Variants in RSPH10B2 observed in about 807,000 individuals in gnomAD.
RSPH10B2 encodes the protein radial spoke head 10 homolog B2, also known as radial spoke head 10 homolog B2 (Chlamydomonas).
In RSPH10B2, 9 loss-of-function variants were observed where a neutral mutation model predicts 49.0. The observed-to-expected ratio is 0.18, with a 90% CI of 0.11 to 0.32. The LOEUF (loss-of-function observed/expected upper bound fraction) is 0.32. Ranked by LOEUF, RSPH10B2 falls within the 10% of genes least tolerant of loss-of-function variation. The pLI, the probability that RSPH10B2 is intolerant of heterozygous loss-of-function variation, is 1.00. For synonymous variants in RSPH10B2, 35 were observed against 210.2 expected (o/e 0.17, Z 7.21); for missense variants, 95 against 589.9 (o/e 0.16, Z 8.69).
intron 18 of RSPH10B2, 36 bp downstream of exon 20, chr7:6,796,802 G>A: frequency 1.7e-6 from 2 of 1,189,340 alleles, no homozygotes; most frequent in Middle Eastern, 2.4e-4. Context: ...TTCCCCAGCT[G>A]CTCGCTCTCT....
At position 6,758,848 on chromosome 7, in the gene RSPH10B2, C is replaced by CA. The variant is rs981432063; in HGVS notation, c.255-228dup. 6.7e-5 allele frequency among the ~76,000 whole-genome samples: 9 copies of CA among 133,722 alleles called. 1 individual carries two copies. The highest frequency in any genetic ancestry group is 4.2e-4 in the East Asian group (2 of 4,778). The allele number at this position is 133,722 out of a possible 152,430, so 87.7% of individuals were successfully genotyped here. Reference sequence around the variant, plus strand: ...CGGGCGACAGAGTGAGACTCCATCTCAAAAAAAATCCCCAAAAAACAAACA... The same window carrying CA: ...CGGGCGACAGAGTGAGACTCCATCTCAAAAAAAAATCCCCAAAAAACAAACA... On this transcript the variant is annotated intron_variant, in intron 1 of 18. Coordinates refer to ENST00000297186, the Ensembl canonical transcript of RSPH10B2.
chr7:6,768,257 G>A (rs1781526712), intron 6 of RSPH10B2, among the ~76,000 whole-genome samples: 2 of 152,302 alleles, frequency 1.3e-5, no homozygotes, highest in Admixed American at 1.3e-4. Flanking sequence ...ATCAAGCCAG[G>A]CACTTTATGT....
intron 9 of RSPH10B2, among the ~76,000 whole-genome samples, chr7:6,774,460 G>C (rs1194162025): frequency 1.1e-5 from 1 of 90,294 alleles, no homozygotes; most frequent in Non-Finnish European, 2.1e-5. Context: ...TTACAGGCAT[G>C]AGCCACTGCA....
chr7:6,763,718 G>A (rs1439785421), intron 3 of RSPH10B2, among the ~76,000 whole-genome samples: 5 of 146,052 alleles, frequency 3.4e-5, no homozygotes, highest in South Asian at 2.3e-4. Context: ...CTGAGCTTCC[G>A]CCCACTGGTC....
chr7:6,781,643 G>A lies in RSPH10B2; in HGVS notation c.1758+167G>A. ...GAGTCTCTTGGCAGAACAGTGGTCT[G>A]TGGTCGTGGAAGGAACAGAAACAGC... On this transcript the variant is annotated intron_variant, in intron 13 of 18. Coordinates refer to ENST00000297186, the Ensembl canonical transcript of RSPH10B2. 3 of 834,630 alleles carry A rather than the reference G, an allele frequency of 3.6e-6. 1 individual carries two copies. The highest frequency in any genetic ancestry group is 3.9e-5 in the East Asian group (1 of 25,400). The allele number at this position is 834,630 out of a possible 1,614,324, so 51.7% of individuals were successfully genotyped here. A position where few individuals can be genotyped will look rare whatever the true frequency, so the allele number is the denominator to read the frequency against.
At chr7:6,795,963 A>C (rs1364864884) in intron 17 of RSPH10B2, among the ~76,000 whole-genome samples, 10 of 146,330 alleles carry the variant, frequency 6.8e-5, no homozygotes, top group Admixed American at 6.8e-4. Flanking sequence ...AAGAGAAACG[A>C]GTTTTTTTAT....
intron 15 of RSPH10B2, among the ~76,000 whole-genome samples, chr7:6,787,407 T>A (rs1388799107): frequency 3.2e-5 from 4 of 123,296 alleles, no homozygotes; most frequent in Admixed American, 1.7e-4. Context: ...AAGGAATGGC[T>A]TTATTCTGGA....
At chr7:6,783,801 T>C (rs1166802395) in intron 13 of RSPH10B2, among the ~76,000 whole-genome samples, 1 of 148,518 alleles carries the variant, frequency 6.7e-6, no homozygotes, top group Admixed American at 6.8e-5. Flanking sequence ...GTTTCAAGCA[T>C]GTTTGCAATT....
rs1376287196 is a variant in RSPH10B2 at position 6,769,681 on chromosome 7, C to T, written c.957+915C>T. On this transcript the variant is annotated intron_variant, in intron 7 of 18. Transcript: ENST00000297186. ...TCAGCTCGCTGCAACCTCTGCCTCC[C>T]GGGCACAAGTGATTCTTGTGCCTCA... Among the ~76,000 whole-genome samples the T allele has an allele frequency of 6.8e-5, 8 of 118,040 alleles. 1 individual carries two copies. The highest frequency in any genetic ancestry group is 4.7e-4 in the South Asian group (2 of 4,212). The allele number at this position is 118,040 out of a possible 152,430, so 77.4% of individuals were successfully genotyped here.
At chr7:6,769,800 G>A (rs1308137416) in intron 7 of RSPH10B2, among the ~76,000 whole-genome samples, 3 of 77,302 alleles carry the variant, frequency 3.9e-5, no homozygotes, top group South Asian at 3.2e-4. Context: ...GGGTTTTGCC[G>A]TGTTTGCCAA....
intron 18 of RSPH10B2, among the ~76,000 whole-genome samples, chr7:6,797,467 GC>G (rs373889072): frequency 0.015 from 2,277 of 151,956 alleles, no homozygotes; most frequent in African/African-American, 0.052. Context: ...GGGACTTTCA[GC>G]TCCAGCCCAA....
At chr7:6,797,596 C>T (rs1354903840) in intron 18 of RSPH10B2, among the ~76,000 whole-genome samples, 3 of 152,278 alleles carry the variant, frequency 2.0e-5, no homozygotes, top group Non-Finnish European at 4.4e-5. Flanking sequence ...CATCATGGCA[C>T]ATGCCGGTAA....
At chr7:6,783,572 A>C (rs957854423) in intron 13 of RSPH10B2, among the ~76,000 whole-genome samples, 1 of 128,786 alleles carries the variant, frequency 7.8e-6, no homozygotes, top group Non-Finnish European at 1.6e-5. Flanking sequence ...TCCCAGGTTC[A>C]AGCAATCCTC....
At chr7:6,763,618 G>A (rs1781318819) in intron 3 of RSPH10B2, among the ~76,000 whole-genome samples, 2 of 129,786 alleles carry the variant, frequency 1.5e-5, no homozygotes, top group Non-Finnish European at 3.3e-5. Flanking sequence ...AAGTTCCCCA[G>A]GTCAGGATTG....
At chr7:6,764,835 T>C (rs1057507214) in intron 4 of RSPH10B2, among the ~76,000 whole-genome samples, 1 of 128,636 alleles carries the variant, frequency 7.8e-6, no homozygotes, top group African/African-American at 2.9e-5. Flanking sequence ...TGAGTTTGCC[T>C]GATCATGAGA....
chr7:6,783,518 G>C (rs1024942003), intron 13 of RSPH10B2, among the ~76,000 whole-genome samples: 4 of 132,826 alleles, frequency 3.0e-5, no homozygotes, highest in African/African-American at 8.9e-5. Context: ...TGTCACCCAG[G>C]CTGGAGTACA....
chr7:6,794,059 GGGGGC>G (rs1782463922), intron 17 of RSPH10B2: 2 of 105,734 alleles, frequency 1.9e-5, no homozygotes, highest in East Asian at 4.6e-4. Context: ...AGGCATCTTG[GGGGGC>G]TGTGTACATA....
intron 8 of RSPH10B2, among the ~76,000 whole-genome samples, chr7:6,772,086 A>AC (rs1781666992): frequency 8.8e-6 from 1 of 114,114 alleles, no homozygotes; most frequent in Non-Finnish European, 2.0e-5. Context: ...ATGAAAATAC[A>AC]CCGAACACTT....
Position 6,797,122 on chromosome 7 carries a change from C to A in RSPH10B2, c.2432+356C>A, listed in dbSNP as rs531983476. On this transcript the variant is annotated intron_variant, in intron 18 of 18. Transcript: ENST00000297186. ...CTCCCGGGTTCAAGCGATTCTCTTG[C>A]CTCAGCCTCCCGAGTAGCTGGGATT... Among the ~76,000 whole-genome samples, 51 of 142,578 alleles carry A rather than the reference C, an allele frequency of 3.6e-4. 4 individuals carry two copies. In the East Asian group the frequency reaches 9.9e-3, roughly 28 times the overall value. 93.5% of individuals were successfully genotyped at this position (142,578 alleles called of 152,430 possible).
Sources: gnomAD v4.1 joint callset for allele counts (sites outside exome capture counted in the v4.1 genomes callset) on GRCh38, gnomAD v4.1.1 for gene constraint, MANE v1.5 for transcripts, NCBI Gene and HGNC (gene_info 2026-07-23, HGNC 2026-07-21) for gene names.